Variants in GABRR1 observed in about 807,000 individuals in gnomAD.
GABRR1 encodes gamma-aminobutyric acid receptor subunit rho-1.
A neutral mutation model predicts 55.5 loss-of-function variants in GABRR1; 59 were observed. The observed-to-expected ratio is 1.06, with a 90% CI of 0.86 to 1.32. The LOEUF (loss-of-function observed/expected upper bound fraction) is 1.32, where lower values mean the gene tolerates loss of function less well. Among genes scored for constraint, GABRR1 ranks in the 40% most tolerant of loss-of-function variants. The probability of loss-of-function intolerance (pLI) is 0.00; values close to 1 mark genes in which losing one functional copy is unlikely to be tolerated. For missense variants in GABRR1, 602 were observed against 619.1 expected, an observed-to-expected ratio of 0.97 and a Z score of 0.29; for synonymous variants, 213 against 226.0, an observed-to-expected ratio of 0.94 and a Z score of 0.51.
At chr6:89,230,808 G>A (rs895313207) in intron 1 of GABRR1, among the ~76,000 whole-genome samples, 1 of 151,656 alleles carries the variant, frequency 6.6e-6, no homozygotes, top group Non-Finnish European at 1.5e-5. Context: ...GAGCTTCCCA[G>A]CTGCTTTGTT....
intron 1 of GABRR1, among the ~76,000 whole-genome samples, chr6:89,206,471 G>C (rs1427761482): frequency 6.6e-6 from 1 of 152,092 alleles, no homozygotes; most frequent in Non-Finnish European, 1.5e-5. Context: ...CGCATTCCCA[G>C]ATAAAATGCC....
In GABRR1 at chr6:89,224,830, T is replaced by G. The variant is rs192531001; in HGVS notation, c.-410-3384A>C. ...CAGGGTCTTGCTCTGTCACCCAGGC[T>G]GGAGTGCAGTGGCGTGATCTTGGCT... is the stretch of plus-strand genomic sequence containing the variant. On this transcript the variant is annotated intron_variant, in intron 1 of 11. Transcript: ENST00000369451. 4.6e-5 allele frequency among the ~76,000 whole-genome samples: 7 copies of G among 152,296 alleles called. No individual in the cohort carries two copies. The East Asian group carries it at 1.3e-3, about 29-fold the overall frequency.
chr6:89,195,305 CA>C (rs1287664438), intron 5 of GABRR1, among the ~76,000 whole-genome samples: 5 of 151,370 alleles, frequency 3.3e-5, no homozygotes, highest in Non-Finnish European at 7.4e-5. Flanking sequence ...TACTAAAATA[CA>C]AAAAAAATTA....
intron 1 of GABRR1, among the ~76,000 whole-genome samples, chr6:89,226,279 A>T (rs569847139): frequency 1.5e-5 from 2 of 135,930 alleles, no homozygotes; most frequent in Non-Finnish European, 3.2e-5. Flanking sequence ...ATTAGATCCC[A>T]TTGTCAATTT....
chr6:89,222,308 A>G (rs994507833), upstream of GABRR1, among the ~76,000 whole-genome samples: 1 of 152,198 alleles, frequency 6.6e-6, no homozygotes, highest in Non-Finnish European at 1.5e-5. Flanking sequence ...GAACTCTCCA[A>G]TTTTTCTTCC....
chr6:89,230,878 A>G (rs1387558587), intron 1 of GABRR1, among the ~76,000 whole-genome samples: 2 of 149,452 alleles, frequency 1.3e-5, no homozygotes, highest in Non-Finnish European at 3.0e-5. Context: ...GCCGCCTTGC[A>G]GTTTGATCTC....
chr6:89,212,824 G>A (rs1029055), intron 1 of GABRR1, among the ~76,000 whole-genome samples: 79,763 of 151,318 alleles, frequency 0.53, 21,314 homozygotes, highest in Middle Eastern at 0.61. Flanking sequence ...ACACCTCACC[G>A]TGGCCAGCTA....
chr6:89,203,973 T>C (rs577493096), intron 1 of GABRR1, among the ~76,000 whole-genome samples: 15 of 152,188 alleles, frequency 9.9e-5, no homozygotes, highest in Non-Finnish European at 2.2e-4. Context: ...TACTCCTCAT[T>C]CTCTCCCGGC....
In GABRR1 at chr6:89,201,147, C is replaced by A. The variant is rs765386076; in HGVS notation, c.280+12G>T. The stretch of plus-strand genomic sequence containing the variant: ...GAAGAAAGAGGACACCCTGAGAGCA[C>A]ACATCCCATACCTCCAAAGCCAGGC... On this transcript the variant is annotated intron_variant, in intron 3 of 9. Coordinates refer to ENST00000454853, the MANE Select transcript of GABRR1 (RefSeq NM_002042.5). The A allele has an allele frequency of 3.1e-6, 5 of 1,594,694 alleles. No individual in the cohort carries two copies. The South Asian group carries it at 5.5e-5, about 18-fold the overall frequency.
intron 9 of GABRR1, among the ~76,000 whole-genome samples, chr6:89,179,601 T>A (rs995739838): frequency 5.3e-5 from 8 of 152,236 alleles, no homozygotes; most frequent in Non-Finnish European, 1.0e-4. Flanking sequence ...CCAACAAGAA[T>A]GCTCATGATT....
At position 89,198,366 on chromosome 6, in the gene GABRR1, C is replaced by T. The variant is rs1020088141; in HGVS notation, c.349-123G>A. The T allele has an allele frequency of 8.2e-6, 6 of 733,886 alleles. No homozygotes were observed. In the African/African-American group the frequency reaches 1.1e-4, roughly 13 times the overall value. 45.5% of individuals were successfully genotyped at this position (733,886 alleles called of 1,614,324 possible). On this transcript the variant is annotated intron_variant, in intron 4 of 9. Transcript: ENST00000454853. ...TGAAACCGAACCAAGAGAGGTTTTG[C>T]TTCTAGTCTCCAGAGTTTGCTGCAG...
chr6:89,182,144 C>G lies in GABRR1; in HGVS notation c.797-87G>C, dbSNP rs575975599. On this transcript the variant is annotated intron_variant, in intron 7 of 9. Coordinates refer to ENST00000454853, the MANE Select transcript of GABRR1 (RefSeq NM_002042.5). ...TCAGGAAATTGTTAAGTGCCTTAGA[C>G]ACTCCAATGGACTCTTATCATGTCT... The G allele has an allele frequency of 5.8e-5, 74 of 1,284,982 alleles. No individual in the cohort carries two copies. The African/African-American group carries it at 9.6e-4, about 17-fold the overall frequency. The allele number at this position is 1,284,982 out of a possible 1,614,324, so 79.6% of individuals were successfully genotyped here. A position where few individuals can be genotyped will look rare whatever the true frequency, so the allele number is the denominator to read the frequency against.
At position 89,198,046 on chromosome 6, in the gene GABRR1, A is replaced by G; in HGVS notation, c.546T>C (p.Pro182=). 6.2e-7 allele frequency: 1 copy of G among 1,614,102 alleles called. No homozygotes were observed. Among genetic ancestry groups the G allele is most frequent in the Non-Finnish European group, 8.5e-7 (1 of 1,180,010 alleles). Residue 182 remains proline, a synonymous_variant, in exon 5 of 10, where the codon CCT becomes CCC. Coordinates refer to ENST00000454853, the MANE Select transcript of GABRR1 (RefSeq NM_002042.5). ...TTDNVMLRVQ[P]DGKVLYSLRV... ...TGAGACTATAGAGCACTTTCCCATCAGGCTGGACCCGCAACATGACGTTGT... is the reference window on the plus strand; with the variant it reads ...TGAGACTATAGAGCACTTTCCCATCGGGCTGGACCCGCAACATGACGTTGT...
At chr6:89,230,250 T>C (rs1421746496) in intron 1 of GABRR1, among the ~76,000 whole-genome samples, 2 of 143,634 alleles carry the variant, frequency 1.4e-5, no homozygotes, top group African/African-American at 2.6e-5. Flanking sequence ...TCTGAAGCCT[T>C]CTTCTCTCAG....
chr6:89,201,576 G>A lies in GABRR1; in HGVS notation c.174-311C>T, dbSNP rs1017109387. Among the ~76,000 whole-genome samples the A allele has an allele frequency of 5.3e-5, 8 of 152,256 alleles. No homozygotes were observed. The South Asian group carries it at 8.3e-4, about 16-fold the overall frequency. ...GGGTGGATCACGAGGTCAGGAGATC[G>A]AGACCATCCTGGCTAACACGGTGAA... On this transcript the variant is annotated intron_variant, in intron 2 of 9. Transcript: ENST00000454853.
chr6:89,226,479 A>C (rs1001299120), intron 1 of GABRR1, among the ~76,000 whole-genome samples: 6 of 151,766 alleles, frequency 4.0e-5, no homozygotes, highest in South Asian at 4.2e-4. Context: ...AGCTTTCTAC[A>C]TATGGCTAGC....
chr6:89,208,618 A>C (rs555887446), intron 1 of GABRR1, among the ~76,000 whole-genome samples: 1 of 152,374 alleles, frequency 6.6e-6, no homozygotes, highest in Admixed American at 6.5e-5. Context: ...TTCTCGAAGA[A>C]GAAGAAGGAA....
chr6:89,217,580 G>A (rs1243756733), upstream of GABRR1: 1 of 364,092 alleles, frequency 2.7e-6, no homozygotes, highest in Non-Finnish European at 5.0e-6. Context: ...AATTATTTTA[G>A]CCGGTCTAAA....
intron 1 of GABRR1, among the ~76,000 whole-genome samples, chr6:89,230,801 C>A (rs1369978507): frequency 6.6e-6 from 1 of 151,786 alleles, no homozygotes; most frequent in African/African-American, 2.4e-5. Flanking sequence ...CCAGTTCGAG[C>A]TTCCCAGCTG....
Sources: allele counts gnomAD v4.1 joint callset (sites outside exome capture counted in the v4.1 genomes callset), GRCh38; gene constraint gnomAD v4.1.1; transcripts MANE v1.5; gene names NCBI Gene and HGNC (gene_info 2026-07-23, HGNC 2026-07-21).